Variants in PDZD8 observed in about 807,000 individuals in gnomAD.
The protein encoded by PDZD8 is PDZ domain-containing protein 8.
A neutral mutation model predicts 85.8 loss-of-function variants in PDZD8; 14 were observed. The ratio of observed to expected loss-of-function variants is 0.16; its 90% confidence interval spans 0.11 to 0.26. The LOEUF is 0.26. Ranked by LOEUF, PDZD8 falls within the 10% of genes least tolerant of loss-of-function variation. The pLI is 1.00. For missense variants in PDZD8, 1,197 were observed against 1,424.3 expected, an observed-to-expected ratio of 0.84 and a Z score of 2.57; for synonymous variants, 592 against 568.6, an observed-to-expected ratio of 1.04 and a Z score of -0.59.
rs1844526096 is a variant in PDZD8, at chr10:117,278,148, CAA to C, written c.*5118_*5119del. ...CTACTTCAAGTTTTAGAAAAGGAAA[CAA>C]GAAGCTGAAAACAGCTGCTCTGACT... On this transcript the variant is annotated 3_prime_UTR_variant, in exon 5 of 5. Transcript: ENST00000334464. The C allele has an allele frequency of 6.6e-6, 1 of 152,142 alleles. No homozygotes were observed. The highest frequency in any genetic ancestry group is 1.5e-5 in the Non-Finnish European group (1 of 68,010). 9.4% of individuals were successfully genotyped at this position (152,142 alleles called of 1,614,324 possible).
intron 1 of PDZD8, among the ~76,000 whole-genome samples, chr10:117,361,775 C>T (rs535802739): frequency 2.4e-4 from 37 of 152,196 alleles, no homozygotes; most frequent in South Asian, 2.1e-4. Flanking sequence ...AAGACTGTTG[C>T]GACTGTACAG....
intron 2 of PDZD8, 75 bp downstream of exon 2, chr10:117,340,905 C>T: frequency 6.6e-7 from 1 of 1,526,304 alleles, no homozygotes; most frequent in Non-Finnish European, 9.0e-7. Context: ...GAACACACAA[C>T]ACAAATACTG....
intron 1 of PDZD8, among the ~76,000 whole-genome samples, chr10:117,354,878 C>T (rs1323540454): frequency 2.6e-5 from 4 of 152,108 alleles, no homozygotes; most frequent in Non-Finnish European, 5.9e-5. Flanking sequence ...TGCTTCAGAG[C>T]CAGTACTCCT....
At chr10:117,339,229 T>C (rs1844568449) in intron 2 of PDZD8, among the ~76,000 whole-genome samples, 1 of 151,534 alleles carries the variant, frequency 6.6e-6, no homozygotes, top group Non-Finnish European at 1.5e-5. Context: ...ATATAAAATA[T>C]AACCTGTGTG....
chr10:117,335,724 G>C (rs554834031), intron 2 of PDZD8, among the ~76,000 whole-genome samples: 2 of 152,300 alleles, frequency 1.3e-5, no homozygotes, highest in South Asian at 4.1e-4. Context: ...AATAATTTAA[G>C]AACACAGTAC....
At chr10:117,308,101 C>A (rs1257421531) in intron 3 of PDZD8, among the ~76,000 whole-genome samples, 1 of 152,038 alleles carries the variant, frequency 6.6e-6, no homozygotes, top group Admixed American at 6.6e-5. Context: ...CTAAAAAGTT[C>A]TTTATTTCTT....
rs375197782 is a variant in PDZD8 at position 117,341,093 on chromosome 10, C to T, written c.882G>A (p.Pro294=). The part of the protein sequence containing the change: ...TLPNYKIRFK[P]FFPYQTLQGF... The stretch of plus-strand genomic sequence containing the variant: ...CTTGCAAGGTCTGGTATGGAAAAAA[C>T]GGCTTAAACCTGACAAAAGTAAAGA... The change falls in exon 2 of 5, where the codon CCG becomes CCA. Residue 294 remains proline (P), a synonymous_variant. Transcript: ENST00000334464. 1.6e-5 allele frequency: 25 copies of T among 1,612,890 alleles called. No individual in the cohort carries two copies. Among genetic ancestry groups the T allele is most frequent in the Admixed American group, 5.0e-5 (3 of 59,964 alleles).
Position 117,281,153 on chromosome 10 carries a change from G to C in PDZD8, c.*2115C>G, listed in dbSNP as rs1489672007. The stretch of plus-strand genomic sequence containing the variant: ...GGAGGCCGAGGCAGGTGGATCACGA[G>C]GTCAGGAGATCGAGACCATCCTGGC... On this transcript the variant is annotated 3_prime_UTR_variant, in exon 5 of 5. Transcript: ENST00000334464. 1 of 152,018 alleles carries C rather than the reference G, an allele frequency of 6.6e-6. No homozygotes were observed. The highest frequency in any genetic ancestry group is 6.5e-5 in the Admixed American group (1 of 15,268). The allele number at this position is 152,018 out of a possible 1,614,324, so 9.4% of individuals were successfully genotyped here. A position where few individuals can be genotyped will look rare whatever the true frequency, so the allele number is the denominator to read the frequency against.
At chr10:117,341,247 C>G (rs978453967) in intron 1 of PDZD8, 145 bp from the exon 2 acceptor site, 2 of 835,350 alleles carry the variant, frequency 2.4e-6, no homozygotes, top group Non-Finnish European at 3.6e-6. Context: ...TACCACACTC[C>G]CCCATAACTG....
intron 3 of PDZD8, among the ~76,000 whole-genome samples, chr10:117,318,651 G>T (rs1473781758): frequency 6.6e-6 from 1 of 152,176 alleles, no homozygotes; most frequent in Non-Finnish European, 1.5e-5. Flanking sequence ...AGGAAAGCTA[G>T]TCGGACTAGG....
chr10:117,374,312 C>A lies in PDZD8; in HGVS notation c.872+44G>T. 2 of 1,598,520 alleles carry A rather than the reference C, an allele frequency of 1.3e-6. No homozygotes were observed. The highest frequency in any genetic ancestry group is 1.7e-6 in the Non-Finnish European group (2 of 1,171,156). On this transcript the variant is annotated intron_variant, in intron 1 of 4. Transcript: ENST00000334464. The surrounding 1 kb of genome is among the most constrained non-coding windows in gnomAD (Gnocchi z 7.8). Reference sequence around the variant, plus strand: ...AATCCACGCAGCGTCCCGCCCAGGCCCGGGTTCCCGGCAGCCAGGCCCCCT... The same window carrying A: ...AATCCACGCAGCGTCCCGCCCAGGCACGGGTTCCCGGCAGCCAGGCCCCCT...
intron 1 of PDZD8, among the ~76,000 whole-genome samples, chr10:117,350,610 T>A (rs546253882): frequency 6.7e-6 from 1 of 150,360 alleles, no homozygotes; most frequent in African/African-American, 2.4e-5. Flanking sequence ...TTGTTAAAAA[T>A]AGAAATACAT....
rs1844544058 is a variant in PDZD8 at position 117,279,227 on chromosome 10, G to A, written c.*4041C>T. The A allele has an allele frequency of 6.6e-6, 1 of 152,116 alleles. No individual in the cohort carries two copies. The highest frequency in any genetic ancestry group is 2.4e-5 in the African/African-American group (1 of 41,408). 9.4% of individuals were successfully genotyped at this position (152,116 alleles called of 1,614,324 possible). On this transcript the variant is annotated 3_prime_UTR_variant, in exon 5 of 5. Coordinates refer to ENST00000334464, the MANE Select transcript of PDZD8 (RefSeq NM_173791.5). ...TTGGTTAGCAAGACTGGAAAGAGGT[G>A]TTTTTTTAAAATGTACATACCAGAA... is the stretch of plus-strand genomic sequence containing the variant.
chr10:117,375,428 G>T lies in PDZD8; in HGVS notation c.-201C>A, dbSNP rs1250377449. Reference sequence around the variant, plus strand: ...GGCCCGCGCCTCCTCAGACGCTCCCGAAGGGCCGGTGTGGCGGCGGCGGCA... The same window carrying T: ...GGCCCGCGCCTCCTCAGACGCTCCCTAAGGGCCGGTGTGGCGGCGGCGGCA... On this transcript the variant is annotated 5_prime_UTR_variant, in exon 1 of 5. Coordinates refer to ENST00000334464, the MANE Select transcript of PDZD8 (RefSeq NM_173791.5). The T allele has an allele frequency of 1.5e-5, 4 of 274,682 alleles. No homozygotes were observed. The highest frequency in any genetic ancestry group is 7.0e-5 in the East Asian group (1 of 14,222). 17.0% of individuals were successfully genotyped at this position (274,682 alleles called of 1,614,324 possible). A position where few individuals can be genotyped will look rare whatever the true frequency, so the allele number is the denominator to read the frequency against.
chr10:117,293,374 A>C (rs1206627674), intron 3 of PDZD8, among the ~76,000 whole-genome samples: 1 of 152,080 alleles, frequency 6.6e-6, no homozygotes, highest in Non-Finnish European at 1.5e-5. Flanking sequence ...AACAAACATA[A>C]ATAGAAACCC....
At chr10:117,341,179 C>A in intron 1 of PDZD8, 77 bp from the exon 2 acceptor site, 1 of 1,465,410 alleles carries the variant, frequency 6.8e-7, no homozygotes, top group Non-Finnish European at 9.4e-7. Flanking sequence ...CTCACCTGTA[C>A]AAAAACACAA....
In PDZD8 at chr10:117,282,740, C is replaced by T. The variant is rs1046506487; in HGVS notation, c.*528G>A. On this transcript the variant is annotated 3_prime_UTR_variant, in exon 5 of 5. Coordinates refer to ENST00000334464, the MANE Select transcript of PDZD8 (RefSeq NM_173791.5). ...AAACAAAACAAAAAGCACCCCCAAA[C>T]CCCCAAAATAACAAAAATCTCAAGC... The T allele has an allele frequency of 6.6e-6, 1 of 152,150 alleles. No individual in the cohort carries two copies. Among genetic ancestry groups the T allele is most frequent in the African/African-American group, 2.4e-5 (1 of 41,422 alleles). 9.4% of individuals were successfully genotyped at this position (152,150 alleles called of 1,614,324 possible).
chr10:117,343,190 A>G (rs1489595109), intron 1 of PDZD8, among the ~76,000 whole-genome samples: 1 of 152,208 alleles, frequency 6.6e-6, no homozygotes, highest in Non-Finnish European at 1.5e-5. Flanking sequence ...ATGGCCTACT[A>G]TAGTTTATAC....
intron 3 of PDZD8, among the ~76,000 whole-genome samples, chr10:117,297,529 G>C (rs987494391): frequency 6.6e-6 from 1 of 152,126 alleles, no homozygotes; most frequent in African/African-American, 2.4e-5. Context: ...CAAATAGCAA[G>C]TGGTCCCTGA....
Sources: gnomAD v4.1 joint callset for allele counts (sites outside exome capture counted in the v4.1 genomes callset) on GRCh38, gnomAD v4.1.1 for gene constraint, Gnocchi (gnomAD v3.1) non-coding constraint, MANE v1.5 for transcripts, NCBI Gene and HGNC (gene_info 2026-07-23, HGNC 2026-07-21) for gene names.